Variants in ACSL6 observed in about 807,000 individuals in gnomAD.
The protein encoded by ACSL6 is acyl-CoA synthetase long chain family member 6, also known as long-chain-fatty-acid--CoA ligase 6.
A neutral mutation model predicts 98.2 loss-of-function variants in ACSL6; 47 were observed. That is an observed-to-expected ratio of 0.48 (90% CI 0.38 to 0.61). The LOEUF (loss-of-function observed/expected upper bound fraction) is 0.61. Ranked by LOEUF, ACSL6 falls within the 20% of genes least tolerant of loss-of-function variation. ACSL6 has a pLI of 0.00. For synonymous variants in ACSL6, 362 were observed against 336.9 expected, an observed-to-expected ratio of 1.07 and a Z score of -0.82; for missense variants, 761 against 913.4, an observed-to-expected ratio of 0.83 and a Z score of 2.15.
At chr5:132,006,566 A>T (rs1316325669) in intron 1 of ACSL6, 3 of 152,296 alleles carry the variant, frequency 2.0e-5, no homozygotes, top group Non-Finnish European at 4.4e-5. Context: ...TGGGAGCATC[A>T]CACCAGACCA....
Position 131,989,463 on chromosome 5 carries a change from T to C in ACSL6, c.496A>G (p.Asn166Asp). 1 of 1,613,940 alleles carries C rather than the reference T, an allele frequency of 6.2e-7. No individual in the cohort carries two copies. The highest frequency in any genetic ancestry group is 8.5e-7 in the Non-Finnish European group (1 of 1,179,974). Residue 166 changes from asparagine (N) to aspartate (D), a missense_variant, in exon 5 of 21, where the codon AAT becomes GAT. By Grantham distance (23) the Asn-to-Asp change is conservative. Transcript: ENST00000651883. ...EFLGSGLLQH[N>D]CKACTDQFIG... is the part of the protein sequence containing the mutation. ...AACTGATCAGTGCATGCTTTACAAT[T>C]GTGCTGGAGAAGTCCGGACCCCAGA...
Position 131,988,859 on chromosome 5 carries a change from C to T in ACSL6, c.598G>A (p.Val200Ile), listed in dbSNP as rs766640110. Residue 200 changes from valine to isoleucine, a missense_variant, in exon 6 of 21, where the codon GTC becomes ATC. Physicochemically the swap from Val to Ile is conservative, Grantham distance 29. Coordinates refer to ENST00000651883, the MANE Select transcript of ACSL6 (RefSeq NM_001009185.3). Reference sequence around the variant, plus strand: ...GGGCCCAGGGTGTCATAGAGCGGGACCACCACCATGGAATATGTGTAGCAG... The same window carrying T: ...GGGCCCAGGGTGTCATAGAGCGGGATCACCACCATGGAATATGTGTAGCAG... ...LACYTYSMVV[V>I]PLYDTLGPGA... 41 of 1,613,674 alleles carry T rather than the reference C, an allele frequency of 2.5e-5. No homozygotes were observed. The highest frequency in any genetic ancestry group is 3.3e-5 in the Non-Finnish European group (39 of 1,179,972).
chr5:131,966,344 G>A, intron 17 of ACSL6, 72 bp downstream of exon 17: 2 of 1,444,300 alleles, frequency 1.4e-6, no homozygotes, highest in African/African-American at 1.4e-5. Context: ...GAAGACTCCT[G>A]CCTCAGTGAC....
In ACSL6 at chr5:132,005,407, G is replaced by A. The variant is rs142889133; in HGVS notation, c.49+6098C>T. Among the ~76,000 whole-genome samples the A allele has an allele frequency of 4.1e-3, 630 of 152,310 alleles. 4 individuals carry two copies. The highest frequency in any genetic ancestry group is 0.013 in the African/African-American group (547 of 41,568). On this transcript the variant is annotated intron_variant, in intron 1 of 20. Coordinates refer to ENST00000651883, the MANE Select transcript of ACSL6 (RefSeq NM_001009185.3). Reference sequence around the variant, plus strand: ...CCACTGAGTCTACTTTCTCCATACTGACAATTGTCTTCCTCTCACTGGCCT... The same window carrying A: ...CCACTGAGTCTACTTTCTCCATACTAACAATTGTCTTCCTCTCACTGGCCT...
Position 131,973,275 on chromosome 5 carries a change from C to T in ACSL6, c.1194G>A (p.Met398Ile). 5.0e-6 allele frequency: 8 copies of T among 1,614,024 alleles called. No homozygotes were observed. The highest frequency in any genetic ancestry group is 1.7e-4 in the Middle Eastern group (1 of 6,058). Residue 398 changes from methionine to isoleucine, a missense_variant, in exon 12 of 21, where the codon ATG becomes ATA. Met to Ile is a conservative substitution (Grantham distance 10). Coordinates refer to ENST00000651883, the MANE Select transcript of ACSL6 (RefSeq NM_001009185.3). ...TCCCTGCAGAACTTACCTTGTCGTA[C>T]ATCCGGTTCAGCAGTCGTGGGACCA... ...FPVVPRLLNR[M>I]YDKIFSQANT...
chr5:131,951,244 T>C lies in ACSL6; in HGVS notation c.*2990A>G. The C allele has an allele frequency of 4.7e-6, 1 of 212,210 alleles. No individual in the cohort carries two copies. Among genetic ancestry groups the C allele is most frequent in the Non-Finnish European group, 9.5e-6 (1 of 104,858 alleles). 13.1% of individuals were successfully genotyped at this position (212,210 alleles called of 1,614,324 possible). The stretch of plus-strand genomic sequence containing the variant: ...AGGCTTAAATAGATCCAATGCCCAA[T>C]ATGAATGTGACCATCGTAAGTACAT... On this transcript the variant is annotated 3_prime_UTR_variant, in exon 21 of 21. Coordinates refer to ENST00000651883, the MANE Select transcript of ACSL6 (RefSeq NM_001009185.3).
Position 131,990,844 on chromosome 5 carries a change from C to A in ACSL6, c.385+9G>T, listed in dbSNP as rs1043695421. 6.2e-7 allele frequency: 1 copy of A among 1,613,550 alleles called. No homozygotes were observed. The highest frequency in any genetic ancestry group is 1.3e-5 in the African/African-American group (1 of 74,870). Reference sequence around the variant, plus strand: ...GCCCCTCCACACCCCCCCCCACAACCCTTCTCACCTGAGATGCTAAGCCCA... The same window carrying A: ...GCCCCTCCACACCCCCCCCCACAACACTTCTCACCTGAGATGCTAAGCCCA... On this transcript the variant is annotated intron_variant, in intron 3 of 20. Transcript: ENST00000651883.
intron 2 of ACSL6, among the ~76,000 whole-genome samples, chr5:131,993,551 G>A (rs1381545329): frequency 1.3e-5 from 2 of 152,192 alleles, no homozygotes; most frequent in Non-Finnish European, 2.9e-5. Context: ...AGTCCTTCCA[G>A]GCTTAGCCTA....
In ACSL6 at chr5:131,962,549, C is replaced by A; in HGVS notation, c.1843G>T (p.Gly615Trp). Residue 615 changes from glycine to tryptophan, a missense_variant, in exon 18 of 21, where the codon GGG becomes TGG. Physicochemically the swap from Gly to Trp is radical, Grantham distance 184 (BLOSUM62 -2). Coordinates refer to ENST00000651883, the MANE Select transcript of ACSL6 (RefSeq NM_001009185.3). ...SQPVAQIYVH[G>W]DSLKAFLVGI... ...AGAGGCCTCACCTTTAAGCTGTCCCCATGGACATAGATTTGCGCCACAGGT... is the reference window on the plus strand; with the variant it reads ...AGAGGCCTCACCTTTAAGCTGTCCCAATGGACATAGATTTGCGCCACAGGT... 1 of 1,614,034 alleles carries A rather than the reference C, an allele frequency of 6.2e-7. No individual in the cohort carries two copies. Among genetic ancestry groups the A allele is most frequent in the Non-Finnish European group, 8.5e-7 (1 of 1,179,932 alleles).
intron 2 of ACSL6, among the ~76,000 whole-genome samples, chr5:131,992,096 A>G (rs535530908): frequency 6.6e-6 from 1 of 152,274 alleles, no homozygotes; most frequent in Admixed American, 6.5e-5. Context: ...CGAAGGATGG[A>G]TGGGGGTTGC....
At chr5:131,957,980 T>G (rs1230961853) in intron 20 of ACSL6, among the ~76,000 whole-genome samples, 1 of 152,208 alleles carries the variant, frequency 6.6e-6, no homozygotes, top group African/African-American at 2.4e-5. Context: ...TATTTGAGGT[T>G]ACCATGGTGA....
chr5:132,011,565 GGGCCCGGCCC>G lies in ACSL6; in HGVS notation c.-22_-13del, dbSNP rs745965338. 53 of 1,573,830 alleles carry G rather than the reference GGGCCCGGCCC, an allele frequency of 3.4e-5. No homozygotes were observed. The East Asian group carries it at 3.8e-4, about 11-fold the overall frequency. The stretch of plus-strand genomic sequence containing the variant: ...AAGAAGGTCAGCATGGCGGTCAGCG[GGGCCCGGCCC>G]GGCCCGGCCCGGCCTCCCCGACCCG... On this transcript the variant is annotated 5_prime_UTR_variant, in exon 1 of 21. Transcript: ENST00000651883. The surrounding 1 kb of genome is among the most constrained non-coding windows in gnomAD (Gnocchi z 5.4).
chr5:131,960,706 T>C, intron 18 of ACSL6, 85 bp from the exon 19 acceptor site: 1 of 997,248 alleles, frequency 1.0e-6, no homozygotes, highest in Non-Finnish European at 1.5e-6. Context: ...ATTCTCAGAC[T>C]CCACCTTTTT....
chr5:132,010,496 C>T (rs1213941783), intron 1 of ACSL6, among the ~76,000 whole-genome samples: 2 of 152,218 alleles, frequency 1.3e-5, no homozygotes, highest in African/African-American at 4.8e-5. Flanking sequence ...GTAAAGATTT[C>T]AAGAGGGTCA....
rs1554112005 is a variant in ACSL6, at chr5:131,967,695, A to AT, written c.1596+244dup. The stretch of plus-strand genomic sequence containing the variant: ...AATAATAATAATAATAATAATAATA[A>AT]TAATTAATTAATTTAAAAATCTGGG... On this transcript the variant is annotated intron_variant, in intron 16 of 20. Transcript: ENST00000651883. Among the ~76,000 whole-genome samples, 438 of 145,496 alleles carry AT rather than the reference A, an allele frequency of 3.0e-3. 3 individuals are homozygous for AT. The highest frequency in any genetic ancestry group is 0.01 in the African/African-American group (415 of 39,772).
At chr5:131,977,129 A>T (rs1753663730) in intron 9 of ACSL6, among the ~76,000 whole-genome samples, 1 of 152,218 alleles carries the variant, frequency 6.6e-6, no homozygotes, top group Non-Finnish European at 1.5e-5. Context: ...TGAGTCCAGC[A>T]GCCAACTCTG....
intron 18 of ACSL6, among the ~76,000 whole-genome samples, chr5:131,961,187 G>A (rs1039854643): frequency 1.3e-5 from 2 of 151,910 alleles, no homozygotes; most frequent in African/African-American, 4.8e-5. Context: ...ACCACATGTA[G>A]CTAATTTTTG....
intron 10 of ACSL6, 42 bp from the exon 11 acceptor site, chr5:131,975,012 TGACAGGAAGAC>T: frequency 1.2e-6 from 2 of 1,601,814 alleles, no homozygotes; most frequent in Non-Finnish European, 1.7e-6. Flanking sequence ...AAAGAAACAC[TGACAGGAAGAC>T]GACAAGAGAA....
intron 1 of ACSL6, among the ~76,000 whole-genome samples, chr5:132,005,300 C>A (rs770651212): frequency 2.0e-5 from 3 of 152,240 alleles, no homozygotes; most frequent in Non-Finnish European, 4.4e-5. Flanking sequence ...TGGCTTCATG[C>A]AGCATCAGCT....
Sources: gnomAD v4.1 joint callset for allele counts (sites outside exome capture counted in the v4.1 genomes callset) on GRCh38, gnomAD v4.1.1 for gene constraint, Gnocchi (gnomAD v3.1) non-coding constraint, MANE v1.5 for transcripts, NCBI Gene and HGNC (gene_info 2026-07-23, HGNC 2026-07-21) for gene names.